The following TMEM40 variants were observed in gnomAD, a reference collection of about 807,000 sequenced individuals.
TMEM40 encodes the protein transmembrane protein 40.
TMEM40 carries 34 observed loss-of-function variants against 40.8 expected under a neutral mutation model. The ratio of observed to expected loss-of-function variants is 0.83; its 90% CI spans 0.63 to 1.11. The LOEUF (loss-of-function observed/expected upper bound fraction) is 1.11. Among genes scored for constraint, TMEM40 ranks in the 50% least tolerant of loss-of-function variants. TMEM40 has a pLI of 0.00. For synonymous variants in TMEM40, 106 were observed against 107.0 expected, an observed-to-expected ratio of 0.99 and a Z score of 0.06; for missense variants, 296 against 280.2, an observed-to-expected ratio of 1.06 and a Z score of -0.40.
At chr3:12,751,446 A>G (rs943521063) in intron 1 of TMEM40, among the ~76,000 whole-genome samples, 3 of 151,018 alleles carry the variant, frequency 2.0e-5, no homozygotes, top group Non-Finnish European at 3.0e-5. Flanking sequence ...TGCTTGGCTA[A>G]TTTTTGTATT....
rs551098699 is a variant in TMEM40 at position 12,748,052 on chromosome 3, G to A, written c.211+603C>T. 2.4e-4 allele frequency among the ~76,000 whole-genome samples: 36 copies of A among 152,184 alleles called. No homozygotes were observed. The South Asian group carries it at 6.6e-3, about 28-fold the overall frequency. On this transcript the variant is annotated intron_variant, in intron 3 of 11. Coordinates refer to ENST00000314124, the MANE Select transcript of TMEM40 (RefSeq NM_018306.4). ...AAAGCTTTCGCACAAGGATGCTCAT[G>A]AGCATGATAAACCTGGGAGGGGAAG...
chr3:12,768,902 CAGGG>C (rs1374679892), intron 1 of TMEM40, among the ~76,000 whole-genome samples: 8,335 of 57,040 alleles, frequency 0.15, 848 homozygotes, highest in African/African-American at 0.31. Flanking sequence ...CGGGGCGGGG[CAGGG>C]CGGGCCGGGG....
In TMEM40 at chr3:12,733,612, A is replaced by C. The variant is rs1037164895; in HGVS notation, c.*1162T>G. 3 of 152,090 alleles carry C rather than the reference A, an allele frequency of 2.0e-5. No individual in the cohort carries two copies. Among genetic ancestry groups the C allele is most frequent in the Non-Finnish European group, 2.9e-5 (2 of 68,022 alleles). The allele number at this position is 152,090 out of a possible 1,614,324, so 9.4% of individuals were successfully genotyped here. Reference sequence around the variant, plus strand: ...GCTCCCGTTAAATTAGGTTACATACAAGTACTTGAAATCAAAACCTCAGAA... The same window carrying C: ...GCTCCCGTTAAATTAGGTTACATACCAGTACTTGAAATCAAAACCTCAGAA... On this transcript the variant is annotated 3_prime_UTR_variant, in exon 12 of 12. Coordinates refer to ENST00000314124, the MANE Select transcript of TMEM40 (RefSeq NM_018306.4).
intron 5 of TMEM40, 130 bp downstream of exon 5, chr3:12,742,324 G>A: frequency 2.0e-6 from 2 of 1,007,460 alleles, no homozygotes; most frequent in Admixed American, 2.0e-5. Flanking sequence ...CCACCCAACT[G>A]GCCACATCTC....
At chr3:12,766,228 G>T (rs79836208) in intron 1 of TMEM40, among the ~76,000 whole-genome samples, 3,339 of 152,132 alleles carry the variant, frequency 0.022, 185 homozygotes, top group Admixed American at 0.12. Context: ...GCAACTGTTT[G>T]TTGGCCATTT....
chr3:12,743,195 C>A (rs575692045), intron 4 of TMEM40, among the ~76,000 whole-genome samples: 3 of 152,172 alleles, frequency 2.0e-5, no homozygotes, highest in African/African-American at 7.2e-5. Context: ...CGGCCAGGCA[C>A]GGTGGCTCAC....
At chr3:12,737,036 A>G (rs1220973712) in intron 8 of TMEM40, among the ~76,000 whole-genome samples, 1 of 152,070 alleles carries the variant, frequency 6.6e-6, no homozygotes, top group African/African-American at 2.4e-5. Flanking sequence ...ATGCCACCAC[A>G]CCCAGCAAAT....
intron 1 of TMEM40, among the ~76,000 whole-genome samples, chr3:12,753,933 C>A (rs571096454): frequency 1.7e-4 from 26 of 152,294 alleles, no homozygotes; most frequent in African/African-American, 6.3e-4. Flanking sequence ...AGCCTCACAG[C>A]ACTCTCCTCT....
chr3:12,757,026 A>G (rs2061534185), intron 1 of TMEM40, among the ~76,000 whole-genome samples: 1 of 152,154 alleles, frequency 6.6e-6, no homozygotes, highest in Non-Finnish European at 1.5e-5. Context: ...TGTCACATCC[A>G]TTCTCAGAGC....
At chr3:12,761,993 TC>T (rs1483539922), upstream of TMEM40, among the ~76,000 whole-genome samples, 1 of 152,186 alleles carries the variant, frequency 6.6e-6, no homozygotes, top group African/African-American at 2.4e-5. Context: ...AGAGACAGGA[TC>T]TTGTTCTCTT....
intron 3 of TMEM40, among the ~76,000 whole-genome samples, chr3:12,746,563 G>T (rs2061430407): frequency 6.6e-6 from 1 of 152,212 alleles, no homozygotes; most frequent in African/African-American, 2.4e-5. Flanking sequence ...TGTGAGGACG[G>T]CAGGGCTGCG....
chr3:12,755,235 CTTTCTT>C (rs796882682), intron 1 of TMEM40, among the ~76,000 whole-genome samples: 643 of 52,470 alleles, frequency 0.012, 14 homozygotes, highest in South Asian at 0.017. Flanking sequence ...CTCTCTCTCT[CTTTCTT>C]TCTTTCTTTC....
intron 1 of TMEM40, among the ~76,000 whole-genome samples, chr3:12,767,993 G>C (rs975608734): frequency 5.9e-5 from 9 of 152,316 alleles, no homozygotes; most frequent in Non-Finnish European, 1.2e-4. Context: ...ACCACAGTGT[G>C]TCTGGAATTG....
rs949531026 is a variant in TMEM40, at chr3:12,733,556, G to A, written c.*1218C>T. ...CGTGAAAACTGTGTTTTATTTATAT[G>A]TTTAATAAATATCTGATCTGTGCAC... On this transcript the variant is annotated 3_prime_UTR_variant, in exon 12 of 12. Coordinates refer to ENST00000314124, the MANE Select transcript of TMEM40 (RefSeq NM_018306.4). 1 of 152,112 alleles carries A rather than the reference G, an allele frequency of 6.6e-6. No individual in the cohort carries two copies. Among genetic ancestry groups the A allele is most frequent in the Non-Finnish European group, 1.5e-5 (1 of 68,026 alleles). 9.4% of individuals were successfully genotyped at this position (152,112 alleles called of 1,614,324 possible). A position where few individuals can be genotyped will look rare whatever the true frequency, so the allele number is the denominator to read the frequency against.
At chr3:12,748,890 C>A (rs2061450834) in intron 2 of TMEM40, 98 bp from the exon 3 acceptor site, 1 of 1,068,910 alleles carries the variant, frequency 9.4e-7, no homozygotes, top group African/African-American at 1.6e-5. Context: ...ATTTGGAGAG[C>A]CAGGAAGGAC....
In TMEM40 at chr3:12,737,635, C is replaced by T. The variant is rs1383245861; in HGVS notation, c.472+72G>A. The T allele has an allele frequency of 2.8e-6, 4 of 1,441,744 alleles. No individual in the cohort carries two copies. The East Asian group carries it at 9.1e-5, about 33-fold the overall frequency. 89.3% of individuals were successfully genotyped at this position (1,441,744 alleles called of 1,614,324 possible). On this transcript the variant is annotated intron_variant, in intron 8 of 11. Transcript: ENST00000314124. Reference sequence around the variant, plus strand: ...GGCTATGATTACTGCTGTGCTAGGCCACCAGCTGCATTTCACCCCTAGAAA... The same window carrying T: ...GGCTATGATTACTGCTGTGCTAGGCTACCAGCTGCATTTCACCCCTAGAAA...
intron 1 of TMEM40, among the ~76,000 whole-genome samples, chr3:12,751,492 C>A (rs1266657536): frequency 3.3e-5 from 5 of 151,882 alleles, no homozygotes; most frequent in African/African-American, 1.2e-4. Context: ...ATTGGCCAGG[C>A]TGGTCTCGAA....
intron 1 of TMEM40, among the ~76,000 whole-genome samples, chr3:12,750,267 T>C (rs994137545): frequency 4.0e-5 from 6 of 151,862 alleles, no homozygotes; most frequent in African/African-American, 1.5e-4. Flanking sequence ...AGCCACCATG[T>C]CCAGCCTAGG....
chr3:12,762,780 C>T (rs2061578160), upstream of TMEM40, among the ~76,000 whole-genome samples: 1 of 152,180 alleles, frequency 6.6e-6, no homozygotes, highest in Admixed American at 6.5e-5. Flanking sequence ...AGACCCCATC[C>T]CGGGCCTGAA....
Sources: allele counts gnomAD v4.1 joint callset (sites outside exome capture counted in the v4.1 genomes callset), GRCh38; gene constraint gnomAD v4.1.1; transcripts MANE v1.5; gene names NCBI Gene and HGNC (gene_info 2026-07-23, HGNC 2026-07-21).